PPP3CA: variants seen among roughly 807,000 people sequenced by gnomAD.
PPP3CA encodes protein phosphatase 3 catalytic subunit alpha, also known as CAM-PRP catalytic subunit.
A neutral mutation model predicts 66.5 loss-of-function variants in PPP3CA; 14 were observed. The ratio of observed to expected loss-of-function variants is 0.21; its 90% CI spans 0.14 to 0.33. The LOEUF is 0.33. Among genes scored for constraint, PPP3CA ranks in the 10% least tolerant of loss-of-function variants. The pLI, the probability that PPP3CA is intolerant of heterozygous loss-of-function variation, is 1.00. For missense variants in PPP3CA, 317 were observed against 639.5 expected, an observed-to-expected ratio of 0.50 and a Z score of 5.44; for synonymous variants, 232 against 226.2, an observed-to-expected ratio of 1.03 and a Z score of -0.23.
At chr4:101,036,329 G>A (rs532121651) in intron 11 of PPP3CA, among the ~76,000 whole-genome samples, 2 of 151,840 alleles carry the variant, frequency 1.3e-5, no homozygotes, top group Admixed American at 6.6e-5. Context: ...CACTTTTCAC[G>A]CTATCCTTTA....
intron 8 of PPP3CA, among the ~76,000 whole-genome samples, chr4:101,067,810 TATAATA>T (rs143876116): frequency 0.026 from 3,824 of 147,042 alleles, 143 homozygotes; most frequent in African/African-American, 0.083. Context: ...AAACTTAAAG[TATAATA>T]ATAATAATAA....
chr4:101,174,261 A>T (rs1348249937), intron 2 of PPP3CA, among the ~76,000 whole-genome samples: 1 of 152,168 alleles, frequency 6.6e-6, no homozygotes, highest in Non-Finnish European at 1.5e-5. Context: ...AGTATTGCTT[A>T]AAATTGGCTC....
rs147666211 is a variant in PPP3CA at position 101,340,262 on chromosome 4, C to T, written c.58+6477G>A. Reference sequence around the variant, plus strand: ...GGTAGACCATTTTTTAAAATAGAGTCATAGTATATTTTGCTGTGAGACAAA... The same window carrying T: ...GGTAGACCATTTTTTAAAATAGAGTTATAGTATATTTTGCTGTGAGACAAA... On this transcript the variant is annotated intron_variant, in intron 1 of 13. Transcript: ENST00000394854. Among the ~76,000 whole-genome samples the T allele has an allele frequency of 4.6e-3, 697 of 152,132 alleles. 3 individuals carry two copies. Among genetic ancestry groups the T allele is most frequent in the African/African-American group, 0.016 (661 of 41,504 alleles).
At chr4:101,337,805 C>T (rs903983806) in intron 1 of PPP3CA, among the ~76,000 whole-genome samples, 3 of 152,132 alleles carry the variant, frequency 2.0e-5, no homozygotes, top group Non-Finnish European at 4.4e-5. Context: ...GGACTAAGAG[C>T]AAGTGCCTCA....
chr4:101,260,739 C>A (rs752365476), intron 1 of PPP3CA, among the ~76,000 whole-genome samples: 10 of 152,092 alleles, frequency 6.6e-5, no homozygotes, highest in Non-Finnish European at 1.3e-4. Context: ...CTATAAACTG[C>A]CCTCTGACAA....
At chr4:101,126,978 G>C (rs1435265478) in intron 2 of PPP3CA, among the ~76,000 whole-genome samples, 2 of 152,102 alleles carry the variant, frequency 1.3e-5, no homozygotes, top group East Asian at 3.8e-4. Flanking sequence ...TAAGTCTACT[G>C]CTTACATCTT....
Position 101,163,617 on chromosome 4 carries a change from C to G in PPP3CA, c.259+32299G>C, listed in dbSNP as rs565934755. 2.0e-4 allele frequency among the ~76,000 whole-genome samples: 31 copies of G among 152,204 alleles called. No homozygotes were observed. In the South Asian group the frequency reaches 6.4e-3, roughly 32 times the overall value. On this transcript the variant is annotated intron_variant, in intron 2 of 13. Transcript: ENST00000394854. ...GTTCATCCTTATTTTTATTCTGCTTCCCTCTCTTCTCTTTCTACTCTTCAC... is the reference window on the plus strand; with the variant it reads ...GTTCATCCTTATTTTTATTCTGCTTGCCTCTCTTCTCTTTCTACTCTTCAC...
chr4:101,076,771 G>A (rs985396878), intron 8 of PPP3CA, among the ~76,000 whole-genome samples: 2 of 152,264 alleles, frequency 1.3e-5, no homozygotes, highest in East Asian at 1.9e-4. Context: ...ATTTTCCTGC[G>A]AGCTTCTGTG....
chr4:101,164,973 A>C (rs1246316549), intron 2 of PPP3CA, among the ~76,000 whole-genome samples: 2 of 152,138 alleles, frequency 1.3e-5, no homozygotes, highest in East Asian at 1.9e-4. Flanking sequence ...TTTTACTATA[A>C]TCTAGTGATT....
At chr4:101,249,108 C>T (rs578204093) in intron 1 of PPP3CA, among the ~76,000 whole-genome samples, 1 of 151,442 alleles carries the variant, frequency 6.6e-6, no homozygotes, top group East Asian at 1.9e-4. Flanking sequence ...TGCAGTGAGC[C>T]GAGATTGCAC....
At chr4:101,279,696 T>C (rs1014619051) in intron 1 of PPP3CA, among the ~76,000 whole-genome samples, 1 of 152,000 alleles carries the variant, frequency 6.6e-6, no homozygotes, top group Non-Finnish European at 1.5e-5. Flanking sequence ...CTTTTTACTA[T>C]AAAAAGGGCA....
rs187990005 is a variant in PPP3CA, at chr4:101,305,330, A to G, written c.58+41409T>C. Among the ~76,000 whole-genome samples, 516 of 152,324 alleles carry G rather than the reference A, an allele frequency of 3.4e-3. 6 individuals carry two copies. The highest frequency in any genetic ancestry group is 0.02 in the Middle Eastern group (6 of 294). On this transcript the variant is annotated intron_variant, in intron 1 of 13. Transcript: ENST00000394854. ...CAAAAGGTATTATTCTTTCAGTCAC[A>G]TGTTTCAGAGGAGATCAAAAGAAAC...
At chr4:101,035,540 T>C (rs1727205462) in intron 11 of PPP3CA, among the ~76,000 whole-genome samples, 1 of 152,228 alleles carries the variant, frequency 6.6e-6, no homozygotes, top group South Asian at 2.1e-4. Flanking sequence ...ATCATTTAAC[T>C]TTCTTGGGCT....
intron 6 of PPP3CA, among the ~76,000 whole-genome samples, chr4:101,087,716 A>G (rs1466112282): frequency 1.3e-5 from 2 of 152,164 alleles, no homozygotes; most frequent in Non-Finnish European, 2.9e-5. Flanking sequence ...ATTCTACTAA[A>G]TGGATATCCG....
intron 1 of PPP3CA, among the ~76,000 whole-genome samples, chr4:101,342,024 A>T (rs544154415): frequency 1.2e-4 from 18 of 152,330 alleles, no homozygotes; most frequent in African/African-American, 4.3e-4. Context: ...AAAAAAGATA[A>T]GGAAAAGCAT....
chr4:101,239,506 A>G (rs1726233157), intron 1 of PPP3CA, among the ~76,000 whole-genome samples: 1 of 152,108 alleles, frequency 6.6e-6, no homozygotes, highest in South Asian at 2.1e-4. Context: ...ACCTAAGGAC[A>G]ATTAGGAAAT....
chr4:101,177,620 A>C (rs937814406), intron 2 of PPP3CA, among the ~76,000 whole-genome samples: 3 of 152,160 alleles, frequency 2.0e-5, no homozygotes, highest in Admixed American at 6.6e-5. Flanking sequence ...CATATGAGTC[A>C]AATGAAAAGT....
intron 2 of PPP3CA, among the ~76,000 whole-genome samples, chr4:101,191,537 A>G (rs1441881611): frequency 6.6e-6 from 1 of 152,170 alleles, no homozygotes; most frequent in East Asian, 1.9e-4. Context: ...GACAGGCCCT[A>G]AAGATTTGGC....
intron 7 of PPP3CA, among the ~76,000 whole-genome samples, 162 bp from the exon 8 acceptor site, chr4:101,080,788 A>C (rs1729401120): frequency 6.6e-6 from 1 of 152,172 alleles, no homozygotes; most frequent in Admixed American, 6.5e-5. Flanking sequence ...CCTGTTATAC[A>C]CAGGTATTAA....
Sources: allele counts gnomAD v4.1 joint callset (sites outside exome capture counted in the v4.1 genomes callset), GRCh38; gene constraint gnomAD v4.1.1; transcripts MANE v1.5; gene names NCBI Gene and HGNC (gene_info 2026-07-23, HGNC 2026-07-21).